PRKCA: variants seen among roughly 807,000 people sequenced by gnomAD.
PRKCA encodes protein kinase C alpha.
In PRKCA, 27 loss-of-function variants were observed where a neutral mutation model predicts 87.0. That is an observed-to-expected ratio of 0.31 (90% CI 0.23 to 0.43). The LOEUF (loss-of-function observed/expected upper bound fraction) is 0.43. Ranked by LOEUF, PRKCA falls within the 20% of genes least tolerant of loss-of-function variation. The probability of loss-of-function intolerance (pLI) is 1.00; values close to 1 mark genes in which losing one functional copy is unlikely to be tolerated. For synonymous variants in PRKCA, 329 were observed against 311.1 expected, an observed-to-expected ratio of 1.06 and a Z score of -0.61; for missense variants, 518 against 852.3, an observed-to-expected ratio of 0.61 and a Z score of 4.88.
At chr17:66,644,210 C>A (rs921429195) in intron 4 of PRKCA, among the ~76,000 whole-genome samples, 1 of 152,218 alleles carries the variant, frequency 6.6e-6, no homozygotes, top group African/African-American at 2.4e-5. Context: ...GCTAATTGTT[C>A]TTTCCTCAGT....
chr17:66,641,683 C>T (rs978040688), intron 4 of PRKCA, among the ~76,000 whole-genome samples: 1 of 151,432 alleles, frequency 6.6e-6, no homozygotes, highest in African/African-American at 2.4e-5. Flanking sequence ...CCAAAAAGCA[C>T]TCGATTTATA....
At chr17:66,453,183 T>G (rs1008109052) in intron 2 of PRKCA, among the ~76,000 whole-genome samples, 2 of 152,090 alleles carry the variant, frequency 1.3e-5, no homozygotes, top group African/African-American at 2.4e-5. Context: ...GCTCCTGACT[T>G]GGAACAGAGG....
chr17:66,737,631 G>A (rs941601279), intron 10 of PRKCA, among the ~76,000 whole-genome samples: 1 of 152,240 alleles, frequency 6.6e-6, no homozygotes, highest in African/African-American at 2.4e-5. Flanking sequence ...CGGAGCCTCT[G>A]GGTGTGTAGC....
intron 2 of PRKCA, among the ~76,000 whole-genome samples, chr17:66,432,001 C>A (rs1913124109): frequency 6.6e-6 from 1 of 152,010 alleles, no homozygotes; most frequent in Non-Finnish European, 1.5e-5. Context: ...CTTTTTTTAT[C>A]CTTAGGCTGA....
intron 3 of PRKCA, among the ~76,000 whole-genome samples, chr17:66,563,348 C>T (rs995371744): frequency 5.3e-5 from 8 of 152,164 alleles, no homozygotes; most frequent in African/African-American, 7.2e-5. Flanking sequence ...TCCCTCCCTC[C>T]CATCAGCCCC....
At chr17:66,651,267 A>C (rs538530361) in intron 5 of PRKCA, among the ~76,000 whole-genome samples, 1 of 152,336 alleles carries the variant, frequency 6.6e-6, no homozygotes, top group South Asian at 2.1e-4. Flanking sequence ...GAGAGCTGCA[A>C]TCATCAGTTT....
chr17:66,421,231 T>G (rs1438506591), intron 2 of PRKCA, among the ~76,000 whole-genome samples: 3 of 152,148 alleles, frequency 2.0e-5, no homozygotes, highest in African/African-American at 7.2e-5. Context: ...TTTGGTTGAG[T>G]AATTTAGAGA....
intron 2 of PRKCA, among the ~76,000 whole-genome samples, chr17:66,347,941 C>CTTTTTTTTTTTT (rs57292153): frequency 0.038 from 2,122 of 56,340 alleles, 675 homozygotes; most frequent in East Asian, 0.066. Context: ...AATTCTGAAC[C>CTTTTTTTTTTTT]TTTTTTTTTT....
intron 15 of PRKCA, 122 bp from the exon 16 acceptor site, chr17:66,788,717 T>C (rs1190838480): frequency 8.5e-7 from 1 of 1,183,412 alleles, no homozygotes; most frequent in African/African-American, 1.5e-5. Flanking sequence ...TGGTCAGCTC[T>C]CTGAGATGCT....
chr17:66,503,659 T>C (rs1013761984), intron 3 of PRKCA, among the ~76,000 whole-genome samples: 2 of 152,220 alleles, frequency 1.3e-5, no homozygotes, highest in Non-Finnish European at 2.9e-5. Flanking sequence ...AAAATTGCTT[T>C]CTTTTCTTTA....
intron 3 of PRKCA, among the ~76,000 whole-genome samples, chr17:66,638,721 G>A (rs1332157170): frequency 2.0e-5 from 3 of 152,108 alleles, no homozygotes; most frequent in African/African-American, 7.2e-5. Context: ...GGTAGTGGGT[G>A]CCTGTAGTCC....
At chr17:66,564,990 T>TCAC (rs904411244) in intron 3 of PRKCA, among the ~76,000 whole-genome samples, 4 of 151,424 alleles carry the variant, frequency 2.6e-5, no homozygotes, top group Non-Finnish European at 4.4e-5. Flanking sequence ...AAAACAACAA[T>TCAC]CACCACCACC....
chr17:66,469,391 A>G (rs1013862345), intron 2 of PRKCA, among the ~76,000 whole-genome samples: 86 of 152,314 alleles, frequency 5.6e-4, no homozygotes, highest in African/African-American at 1.9e-3. Flanking sequence ...TTTTAGTGAC[A>G]TATGCTCATT....
At chr17:66,534,599 G>A (rs923528136) in intron 3 of PRKCA, among the ~76,000 whole-genome samples, 7 of 152,054 alleles carry the variant, frequency 4.6e-5, no homozygotes, top group Non-Finnish European at 5.9e-5. Context: ...CCCGGGAGGC[G>A]GAGCTTGCAG....
intron 3 of PRKCA, among the ~76,000 whole-genome samples, chr17:66,560,492 G>A (rs1205750445): frequency 1.3e-5 from 2 of 152,126 alleles, no homozygotes; most frequent in African/African-American, 2.4e-5. Context: ...GTTATTCCGA[G>A]TTGCGAAGTG....
intron 3 of PRKCA, among the ~76,000 whole-genome samples, chr17:66,544,045 G>A (rs1340060788): frequency 1.3e-5 from 2 of 152,028 alleles, no homozygotes; most frequent in Non-Finnish European, 2.9e-5. Context: ...AACCCTGACT[G>A]TACTAAAAAA....
At chr17:66,467,475 A>C (rs1915135612) in intron 2 of PRKCA, among the ~76,000 whole-genome samples, 1 of 152,182 alleles carries the variant, frequency 6.6e-6, no homozygotes, top group African/African-American at 2.4e-5. Flanking sequence ...TAGCTGGGCA[A>C]ACACATTTTT....
intron 2 of PRKCA, among the ~76,000 whole-genome samples, chr17:66,407,711 TAA>T (rs112199964): frequency 6.8e-6 from 1 of 147,344 alleles, no homozygotes. Context: ...ATTTTTTGTT[TAA>T]AAAAAAAAAG....
rs1971299392 is a variant in PRKCA, at chr17:66,641,618, T to C, written c.400+152T>C. ...TACCAGACTGACAAAGTGTAGATTC[T>C]TCCACTGTCAAAGTTCCAGGTTATT... On this transcript the variant is annotated intron_variant, in intron 4 of 16. Transcript: ENST00000413366. 9 of 467,782 alleles carry C rather than the reference T, an allele frequency of 1.9e-5. No individual in the cohort carries two copies. The South Asian group carries it at 4.6e-4, about 24-fold the overall frequency. The allele number at this position is 467,782 out of a possible 1,614,324, so 29.0% of individuals were successfully genotyped here. A position where few individuals can be genotyped will look rare whatever the true frequency, so the allele number is the denominator to read the frequency against.
Sources: allele counts gnomAD v4.1 joint callset (sites outside exome capture counted in the v4.1 genomes callset), GRCh38; gene constraint gnomAD v4.1.1; transcripts MANE v1.5; gene names NCBI Gene and HGNC (gene_info 2026-07-23, HGNC 2026-07-21).